The following MCC variants were observed in gnomAD, a reference collection of about 807,000 sequenced individuals.
MCC encodes MCC regulator of Wnt signaling pathway.
A neutral mutation model predicts 116.2 loss-of-function variants in MCC; 90 were observed. The ratio of observed to expected loss-of-function variants is 0.77; its 90% CI spans 0.65 to 0.92. MCC has a LOEUF of 0.92. Among genes scored for constraint, MCC ranks in the 40% least tolerant of loss-of-function variants. The pLI is 0.00. For missense variants in MCC, 1,516 were observed against 1,312.2 expected (o/e 1.16, Z -2.40); for synonymous variants, 578 against 510.5 (o/e 1.13, Z -1.78).
chr5:113,227,441 T>A (rs533459323), intron 3 of MCC, among the ~76,000 whole-genome samples: 1 of 152,202 alleles, frequency 6.6e-6, no homozygotes, highest in Non-Finnish European at 1.5e-5. Flanking sequence ...AAGTAGACCA[T>A]AATTTATAGT....
chr5:113,334,153 G>T (rs1005366898), intron 3 of MCC, among the ~76,000 whole-genome samples: 67 of 147,926 alleles, frequency 4.5e-4, no homozygotes, highest in Non-Finnish European at 8.5e-4. Context: ...TATATAGAAA[G>T]TGAAACTTCT....
intron 3 of MCC, among the ~76,000 whole-genome samples, chr5:113,192,749 C>A (rs1762207089): frequency 6.6e-6 from 1 of 152,220 alleles, no homozygotes; most frequent in Non-Finnish European, 1.5e-5. Context: ...CCTTATACCT[C>A]CTTCTCCATA....
intron 15 of MCC, among the ~76,000 whole-genome samples, chr5:113,051,622 G>A (rs1328577031): frequency 6.6e-6 from 1 of 152,146 alleles, no homozygotes; most frequent in Admixed American, 6.5e-5. Flanking sequence ...CTACTCGGGA[G>A]GCTGAGGCAG....
chr5:113,143,893 C>G (rs1350352705), intron 4 of MCC, among the ~76,000 whole-genome samples: 1 of 152,166 alleles, frequency 6.6e-6, no homozygotes, highest in Non-Finnish European at 1.5e-5. Context: ...TTTGTTTCAG[C>G]TATTTTTCAA....
At chr5:113,202,388 G>A (rs1482757287) in intron 3 of MCC, among the ~76,000 whole-genome samples, 5 of 152,070 alleles carry the variant, frequency 3.3e-5, no homozygotes, top group Admixed American at 1.3e-4. Flanking sequence ...TGTTCTCCAG[G>A]ACTGATAACC....
intron 1 of MCC, chr5:113,448,335 T>C (rs943164839): frequency 2.0e-5 from 3 of 152,206 alleles, no homozygotes; most frequent in Non-Finnish European, 4.4e-5. Flanking sequence ...TGGTTTAGCA[T>C]ACATAAATTC....
Position 113,073,871 on chromosome 5 carries a change from A to C in MCC, c.1785-2637T>G, listed in dbSNP as rs573027217. On this transcript the variant is annotated intron_variant, in intron 11 of 18. Transcript: ENST00000408903. Reference sequence around the variant, plus strand: ...TGCTGAGGGTTGAGTAGGTAAACAAAGTGGCTGGGAAGCTCAAACTGGGTG... The same window carrying C: ...TGCTGAGGGTTGAGTAGGTAAACAACGTGGCTGGGAAGCTCAAACTGGGTG... 1.4e-4 allele frequency among the ~76,000 whole-genome samples: 21 copies of C among 152,316 alleles called. No individual in the cohort carries two copies. In the South Asian group the frequency reaches 4.3e-3, roughly 32 times the overall value.
At chr5:113,226,482 C>T (rs1054723447) in intron 3 of MCC, among the ~76,000 whole-genome samples, 9 of 152,192 alleles carry the variant, frequency 5.9e-5, no homozygotes, top group African/African-American at 1.7e-4. Context: ...ACGCAAAGAA[C>T]AAAATCAGGC....
At position 113,024,774 on chromosome 5, in the gene MCC, A is replaced by G. The variant is rs1047370679; in HGVS notation, c.*2528T>C. ...AGTATAGTTTAGTTCAGTAGCTCCC[A>G]CAATTAGCATAATCAAGTGCCACCT... is the stretch of plus-strand genomic sequence containing the variant. On this transcript the variant is annotated 3_prime_UTR_variant, in exon 19 of 19. Transcript: ENST00000408903. 1 of 152,150 alleles carries G rather than the reference A, an allele frequency of 6.6e-6. No individual in the cohort carries two copies. Among genetic ancestry groups the G allele is most frequent in the South Asian group, 2.1e-4 (1 of 4,832 alleles). The allele number at this position is 152,150 out of a possible 1,614,324, so 9.4% of individuals were successfully genotyped here.
intron 8 of MCC, among the ~76,000 whole-genome samples, chr5:113,093,768 T>C (rs914955874): frequency 6.6e-6 from 1 of 151,952 alleles, no homozygotes; most frequent in African/African-American, 2.4e-5. Context: ...GGCTCACAGA[T>C]GAGTGACAAG....
At chr5:113,148,738 TTC>T (rs575316043) in intron 4 of MCC, among the ~76,000 whole-genome samples, 5 of 152,234 alleles carry the variant, frequency 3.3e-5, no homozygotes, top group African/African-American at 1.2e-4. Flanking sequence ...TTTTTTCATG[TTC>T]TCTTTCCTAG....
intron 1 of MCC, among the ~76,000 whole-genome samples, chr5:113,391,317 G>A (rs1291956875): frequency 6.6e-6 from 1 of 152,288 alleles, no homozygotes; most frequent in South Asian, 2.1e-4. Context: ...AAGGTTCTGG[G>A]TTTATAGCCA....
chr5:113,044,423 C>T, intron 16 of MCC: 1 of 894,376 alleles, frequency 1.1e-6, no homozygotes, highest in Non-Finnish European at 1.3e-6. Flanking sequence ...ACATTCCATG[C>T]ACAGAGAGGA....
chr5:113,311,222 C>G lies in MCC; in HGVS notation c.627+29297G>C, dbSNP rs530867900. The stretch of plus-strand genomic sequence containing the variant: ...AAGATGGCCCCATACTTTACCCATG[C>G]CTGTAAACATGTCCTTTGCCTATAA... On this transcript the variant is annotated intron_variant, in intron 3 of 18. Coordinates refer to ENST00000408903, the MANE Select transcript of MCC (RefSeq NM_001085377.2). Among the ~76,000 whole-genome samples, 4 of 152,340 alleles carry G rather than the reference C, an allele frequency of 2.6e-5. No homozygotes were observed. In the South Asian group the frequency reaches 6.2e-4, roughly 24 times the overall value.
At chr5:113,129,229 A>C (rs949877771) in intron 5 of MCC, among the ~76,000 whole-genome samples, 1 of 152,230 alleles carries the variant, frequency 6.6e-6, no homozygotes, top group South Asian at 2.1e-4. Flanking sequence ...CTGAGGACAA[A>C]CTTGGTGGAG....
At chr5:113,103,397 A>G (rs1756547915) in intron 7 of MCC, among the ~76,000 whole-genome samples, 1 of 152,222 alleles carries the variant, frequency 6.6e-6, no homozygotes, top group African/African-American at 2.4e-5. Context: ...ACCCAAGTTG[A>G]CATTACAATC....
At chr5:113,173,178 A>C (rs969402474) in intron 3 of MCC, among the ~76,000 whole-genome samples, 1 of 151,798 alleles carries the variant, frequency 6.6e-6, no homozygotes, top group East Asian at 1.9e-4. Flanking sequence ...TTTCCTTAAC[A>C]GATCCTCTCT....
intron 2 of MCC, among the ~76,000 whole-genome samples, chr5:113,361,208 T>G (rs145341715): frequency 1.0e-3 from 159 of 151,880 alleles, no homozygotes; most frequent in African/African-American, 3.6e-3. Context: ...GTGCCTTATC[T>G]TTTTTTTACT....
intron 1 of MCC, among the ~76,000 whole-genome samples, chr5:113,461,275 T>C (rs909297423): frequency 2.0e-5 from 3 of 152,082 alleles, no homozygotes; most frequent in Admixed American, 6.5e-5. Context: ...AAACAAACAA[T>C]AAAAACCACG....
Sources: gnomAD v4.1 joint callset for allele counts (sites outside exome capture counted in the v4.1 genomes callset) on GRCh38, gnomAD v4.1.1 for gene constraint, MANE v1.5 for transcripts, NCBI Gene and HGNC (gene_info 2026-07-23, HGNC 2026-07-21) for gene names.